CNTNAP2: variants seen among roughly 807,000 people sequenced by gnomAD.
The protein encoded by CNTNAP2 is contactin associated protein 2.
In CNTNAP2, 98 loss-of-function variants were observed where a neutral mutation model predicts 155.2. The ratio of observed to expected loss-of-function variants is 0.63; its 90% CI spans 0.54 to 0.75. The LOEUF is 0.75. CNTNAP2 is among the 30% of genes least tolerant of loss of function. The pLI is 0.00. For synonymous variants in CNTNAP2, 651 were observed against 631.2 expected (o/e 1.03, Z -0.47); for missense variants, 1,727 against 1,688.1 (o/e 1.02, Z -0.40).
intron 10 of CNTNAP2, among the ~76,000 whole-genome samples, chr7:147,475,405 G>T (rs1056551655): frequency 1.3e-5 from 2 of 151,988 alleles, no homozygotes; most frequent in Non-Finnish European, 2.9e-5. Context: ...AATTTAATTT[G>T]GGCTGCTTTG....
At chr7:147,484,854 T>G (rs890735865) in intron 10 of CNTNAP2, among the ~76,000 whole-genome samples, 1 of 152,232 alleles carries the variant, frequency 6.6e-6, no homozygotes, top group Non-Finnish European at 1.5e-5. Flanking sequence ...TTCTGCTATT[T>G]TAATCTGGGA....
At chr7:147,051,715 T>C (rs1799477410) in intron 4 of CNTNAP2, among the ~76,000 whole-genome samples, 1 of 152,086 alleles carries the variant, frequency 6.6e-6, no homozygotes, top group South Asian at 2.1e-4. Flanking sequence ...ATTATGTTGC[T>C]TAGAGGATCA....
chr7:148,065,381 G>A (rs1803236404), intron 15 of CNTNAP2, among the ~76,000 whole-genome samples: 1 of 152,052 alleles, frequency 6.6e-6, no homozygotes, highest in South Asian at 2.1e-4. Context: ...GCTGTCAGTG[G>A]AATATTGAAG....
At chr7:147,624,974 G>A (rs1794941862) in intron 12 of CNTNAP2, among the ~76,000 whole-genome samples, 1 of 152,096 alleles carries the variant, frequency 6.6e-6, no homozygotes, top group Non-Finnish European at 1.5e-5. Context: ...TGGAACTAGA[G>A]ATCATTATGT....
chr7:146,145,642 T>A (rs1243783772), intron 1 of CNTNAP2, among the ~76,000 whole-genome samples: 1 of 152,130 alleles, frequency 6.6e-6, no homozygotes, highest in Non-Finnish European at 1.5e-5. Context: ...TGTCCAATTG[T>A]CCCCTATTAC....
chr7:146,608,091 C>T (rs990008214), intron 1 of CNTNAP2, among the ~76,000 whole-genome samples: 5 of 152,122 alleles, frequency 3.3e-5, no homozygotes, highest in Admixed American at 2.0e-4. Context: ...ACTTCATGTT[C>T]TCCATCTTTT....
intron 14 of CNTNAP2, among the ~76,000 whole-genome samples, chr7:147,970,222 T>C (rs1407604933): frequency 6.6e-6 from 1 of 152,132 alleles, no homozygotes; most frequent in Non-Finnish European, 1.5e-5. Context: ...TGAATTTTTA[T>C]TTAAGAGATA....
At chr7:146,395,983 G>C (rs1795620968) in intron 1 of CNTNAP2, among the ~76,000 whole-genome samples, 1 of 151,944 alleles carries the variant, frequency 6.6e-6, no homozygotes, top group South Asian at 2.1e-4. Flanking sequence ...ATCACTTACT[G>C]TACTGTCACA....
chr7:148,033,495 C>G (rs1045848048), intron 15 of CNTNAP2, among the ~76,000 whole-genome samples: 4 of 152,048 alleles, frequency 2.6e-5, no homozygotes, highest in Non-Finnish European at 5.9e-5. Flanking sequence ...CACAAAGGCC[C>G]TTGTGTGTGT....
intron 21 of CNTNAP2, among the ~76,000 whole-genome samples, chr7:148,380,320 T>A (rs1799025885): frequency 6.6e-6 from 1 of 152,246 alleles, no homozygotes; most frequent in Non-Finnish European, 1.5e-5. Context: ...AGCTATACTG[T>A]CATTTGTAGA....
intron 18 of CNTNAP2, among the ~76,000 whole-genome samples, chr7:148,204,872 A>G (rs1378308577): frequency 6.6e-6 from 1 of 152,206 alleles, no homozygotes; most frequent in East Asian, 1.9e-4. Flanking sequence ...CCTTGAGTAA[A>G]CTACTCCTGT....
At chr7:146,436,094 CTTAA>C (rs1217268983) in intron 1 of CNTNAP2, among the ~76,000 whole-genome samples, 5 of 152,102 alleles carry the variant, frequency 3.3e-5, no homozygotes, top group Admixed American at 1.3e-4. Flanking sequence ...CTACATTATT[CTTAA>C]TTTATAATAT....
intron 1 of CNTNAP2, among the ~76,000 whole-genome samples, chr7:146,192,468 C>T (rs1798720627): frequency 6.6e-6 from 1 of 151,790 alleles, no homozygotes; most frequent in South Asian, 2.1e-4. Flanking sequence ...GCCTCATAAT[C>T]CTGGTGGAAG....
At chr7:146,810,294 GCTTT>G (rs1014260227) in intron 2 of CNTNAP2, among the ~76,000 whole-genome samples, 12 of 134,396 alleles carry the variant, frequency 8.9e-5, no homozygotes, top group South Asian at 4.4e-4. Context: ...GGTTCCTCTA[GCTTT>G]CTTTTTTTTT....
chr7:147,853,203 T>G (rs192377517), intron 13 of CNTNAP2, among the ~76,000 whole-genome samples: 1 of 152,300 alleles, frequency 6.6e-6, no homozygotes, highest in Non-Finnish European at 1.5e-5. Flanking sequence ...CAATCATAAC[T>G]CACTAGTGAA....
chr7:147,054,875 G>T (rs1477612318), intron 4 of CNTNAP2, among the ~76,000 whole-genome samples: 2 of 152,038 alleles, frequency 1.3e-5, no homozygotes, highest in African/African-American at 2.4e-5. Flanking sequence ...AAGTAATCCA[G>T]ATTTTCAATT....
intron 19 of CNTNAP2, among the ~76,000 whole-genome samples, chr7:148,222,553 T>C (rs1795769003): frequency 6.7e-6 from 1 of 148,776 alleles, no homozygotes; most frequent in East Asian, 1.9e-4. Context: ...GATGAATGGA[T>C]CATTCCATGA....
Position 148,247,655 on chromosome 7 carries a change from A to ATTTT in CNTNAP2, c.3381+17879_3381+17880insTTTT, listed in dbSNP as rs1444152586. On this transcript the variant is annotated intron_variant, in intron 20 of 23. Transcript: ENST00000361727. ...TATTTATTTATTTATTTATTTATTT[A>ATTTT]TTTATTTATTTTTTTGGAGATAGAG... Among the ~76,000 whole-genome samples, 31 of 128,048 alleles carry ATTTT rather than the reference A, an allele frequency of 2.4e-4. 1 individual carries two copies. Among genetic ancestry groups the ATTTT allele is most frequent in the South Asian group, 9.6e-4 (4 of 4,182 alleles). The allele number at this position is 128,048 out of a possible 152,430, so 84.0% of individuals were successfully genotyped here. A position where few individuals can be genotyped will look rare whatever the true frequency, so the allele number is the denominator to read the frequency against.
At chr7:147,965,972 T>G (rs951702046) in intron 14 of CNTNAP2, among the ~76,000 whole-genome samples, 5 of 152,120 alleles carry the variant, frequency 3.3e-5, no homozygotes, top group Non-Finnish European at 7.3e-5. Context: ...CCTTACAGAC[T>G]TCAGAGATGG....
Sources: gnomAD v4.1 joint callset for allele counts (sites outside exome capture counted in the v4.1 genomes callset) on GRCh38, gnomAD v4.1.1 for gene constraint, MANE v1.5 for transcripts, NCBI Gene and HGNC (gene_info 2026-07-23, HGNC 2026-07-21) for gene names.